UGT2A2: variants seen among roughly 807,000 people sequenced by gnomAD.
UGT2A2 encodes the protein UDP glucuronosyltransferase family 2 member A2, also known as UDP-glucuronosyltransferase 2A2.
In UGT2A2, 60 loss-of-function variants were observed where a neutral mutation model predicts 50.7. The ratio of observed to expected loss-of-function variants is 1.18; its 90% CI spans 0.96 to 1.47. The LOEUF is 1.47. UGT2A2 is among the 40% of genes most tolerant of loss of function. The probability of loss-of-function intolerance (pLI) is 0.00; values close to 1 mark genes in which losing one functional copy is unlikely to be tolerated. For missense variants in UGT2A2, 762 were observed against 634.0 expected (o/e 1.20, Z -2.17); for synonymous variants, 242 against 214.6 (o/e 1.13, Z -1.11).
At chr4:69,634,847 T>A (rs2109961519) in intron 1 of UGT2A2, among the ~76,000 whole-genome samples, 1 of 152,292 alleles carries the variant, frequency 6.6e-6, no homozygotes, top group East Asian at 1.9e-4. Context: ...TCCACTGACA[T>A]CTAGAATGAG....
intron 1 of UGT2A2, among the ~76,000 whole-genome samples, chr4:69,603,017 A>C (rs1577955722): frequency 7.4e-6 from 1 of 135,606 alleles, no homozygotes; most frequent in East Asian, 2.1e-4. Context: ...CAGTGAGCCA[A>C]GATCACGCCA....
Position 69,639,265 on chromosome 4 carries a change from T to A in UGT2A2, c.376A>T (p.Thr126Ser), listed in dbSNP as rs764117718. ...FYKELGKLLD[T>S]FFQINIQLCD... Reference sequence around the variant, plus strand: ...AGTTGTATGTTAATTTGAAAGAAAGTGTCTAGAAGTTTTCCTAGTTCTTTG... The same window carrying A: ...AGTTGTATGTTAATTTGAAAGAAAGAGTCTAGAAGTTTTCCTAGTTCTTTG... Residue 126 changes from threonine to serine, a missense_variant, in exon 1 of 6, where the codon ACT becomes TCT. Physicochemically the swap from Thr to Ser is moderately conservative, Grantham distance 58. Transcript: ENST00000604629. 1.2e-6 allele frequency: 2 copies of A among 1,613,698 alleles called. No homozygotes were observed. The highest frequency in any genetic ancestry group is 1.7e-5 in the Admixed American group (1 of 59,972).
chr4:69,632,430 T>C (rs7699881), intron 1 of UGT2A2, among the ~76,000 whole-genome samples: 5,063 of 152,202 alleles, frequency 0.033, 287 homozygotes, highest in African/African-American at 0.11. Context: ...TACACCCACG[T>C]TATGATTTCT....
chr4:69,631,826 C>T (rs778367101), intron 1 of UGT2A2, among the ~76,000 whole-genome samples: 1 of 152,074 alleles, frequency 6.6e-6, no homozygotes, highest in Non-Finnish European at 1.5e-5. Context: ...CACAATTGAG[C>T]TAAAAACAAA....
At chr4:69,607,839 T>G (rs1405950548) in intron 1 of UGT2A2, among the ~76,000 whole-genome samples, 1 of 152,154 alleles carries the variant, frequency 6.6e-6, no homozygotes, top group Non-Finnish European at 1.5e-5. Flanking sequence ...TCACTGGCCA[T>G]CAGAGAAATG....
chr4:69,626,331 T>A (rs1721057945), intron 1 of UGT2A2, among the ~76,000 whole-genome samples: 1 of 151,514 alleles, frequency 6.6e-6, no homozygotes, highest in South Asian at 2.1e-4. Flanking sequence ...TTGGATGATG[T>A]TTGGAGACCT....
chr4:69,595,238 T>A lies in UGT2A2; in HGVS notation c.1035A>T (p.Arg345Ser). 6.2e-7 allele frequency: 1 copy of A among 1,613,770 alleles called. No homozygotes were observed. The highest frequency in any genetic ancestry group is 1.3e-5 in the African/African-American group (1 of 75,024). ...LAQIPQKVLW[R>S]YKGKKPATLG... ...ATGTGGCTGGTTTCTTTCCTTTGTATCTCCATAAAACCTGTGGAAAATGGT... is the reference window on the plus strand; with the variant it reads ...ATGTGGCTGGTTTCTTTCCTTTGTAACTCCATAAAACCTGTGGAAAATGGT... The change falls in exon 4 of 6, where the codon AGA (arginine) becomes AGT (serine). Residue 345 changes from arginine (R) to serine (S), a missense_variant. By Grantham distance (110) the Arg-to-Ser change is moderately radical. Transcript: ENST00000604629.
At chr4:69,611,812 C>T (rs1363642999) in intron 1 of UGT2A2, among the ~76,000 whole-genome samples, 1 of 152,106 alleles carries the variant, frequency 6.6e-6, no homozygotes, top group East Asian at 1.9e-4. Context: ...TGAAGATACA[C>T]AGTATGTTTT....
At chr4:69,619,548 C>A (rs1005719476) in intron 1 of UGT2A2, among the ~76,000 whole-genome samples, 15 of 151,684 alleles carry the variant, frequency 9.9e-5, no homozygotes, top group African/African-American at 3.6e-4. Flanking sequence ...TAATGATATA[C>A]CCAGAAATAA....
At chr4:69,590,972 A>G (rs140832562) in intron 5 of UGT2A2, among the ~76,000 whole-genome samples, 1 of 152,334 alleles carries the variant, frequency 6.6e-6, no homozygotes, top group African/African-American at 2.4e-5. Flanking sequence ...GAGTACAAAC[A>G]CATCCATATA....
Position 69,589,666 on chromosome 4 carries a change from A to G in UGT2A2, c.1332-15T>C, listed in dbSNP as rs771987229. On this transcript the variant is annotated splice_polypyrimidine_tract_variant and intron_variant, in intron 5 of 5. Transcript: ENST00000604629. ...TCTCTTTATAACTAGAAGACAAATAAATAGGCAGAAATTAGACAATTTTTG... is the reference window on the plus strand; with the variant it reads ...TCTCTTTATAACTAGAAGACAAATAGATAGGCAGAAATTAGACAATTTTTG... 1.3e-5 allele frequency: 20 copies of G among 1,576,974 alleles called. No individual in the cohort carries two copies. Among genetic ancestry groups the G allele is most frequent in the African/African-American group, 4.1e-5 (3 of 73,510 alleles).
intron 2 of UGT2A2, among the ~76,000 whole-genome samples, chr4:69,597,121 C>T (rs537777281): frequency 2.0e-5 from 3 of 152,226 alleles, no homozygotes; most frequent in South Asian, 2.1e-4. Context: ...ATAAATTTAT[C>T]GGTTCCTGTT....
chr4:69,593,847 TATA>T (rs756118961), intron 5 of UGT2A2, among the ~76,000 whole-genome samples: 1 of 151,960 alleles, frequency 6.6e-6, no homozygotes, highest in Non-Finnish European at 1.5e-5. Context: ...CTGATTAGTT[TATA>T]ATATGTACAT....
intron 1 of UGT2A2, among the ~76,000 whole-genome samples, chr4:69,616,934 G>T (rs1181652246): frequency 6.7e-6 from 1 of 148,192 alleles, no homozygotes; most frequent in African/African-American, 2.5e-5. Context: ...ATGGAGGAAA[G>T]AAATATCTGC....
rs912102309 is a variant in UGT2A2, at chr4:69,602,868, C to A, written c.743-3474G>T. On this transcript the variant is annotated intron_variant, in intron 1 of 5. Transcript: ENST00000604629. ...CTTATTAAGGGTCAGGAGTTCAAGA[C>A]CAGTGTGGCCAAGATGGTGAAACCC... Among the ~76,000 whole-genome samples, 25 of 134,906 alleles carry A rather than the reference C, an allele frequency of 1.9e-4. 5 individuals carry two copies. The highest frequency in any genetic ancestry group is 1.6e-3 in the Admixed American group (22 of 13,620). 88.5% of individuals were successfully genotyped at this position (134,906 alleles called of 152,430 possible). A position where few individuals can be genotyped will look rare whatever the true frequency, so the allele number is the denominator to read the frequency against.
intron 1 of UGT2A2, among the ~76,000 whole-genome samples, chr4:69,610,689 G>A (rs1288960071): frequency 6.6e-6 from 1 of 152,142 alleles, no homozygotes; most frequent in East Asian, 1.9e-4. Flanking sequence ...TCCAAGAAGA[G>A]GAAGTGACAC....
chr4:69,639,235 C>G lies in UGT2A2; in HGVS notation c.406G>C (p.Asp136His). The G allele has an allele frequency of 6.2e-7, 1 of 1,613,670 alleles. No individual in the cohort carries two copies. Among genetic ancestry groups the G allele is most frequent in the Non-Finnish European group, 8.5e-7 (1 of 1,179,742 alleles). The part of the protein sequence containing the change: ...TFFQINIQLC[D>H]GVLKNPKLMA... ...AACTTTGGGTTCTTTAGTACACCAT[C>G]ACAGAGTTGTATGTTAATTTGAAAG... is the stretch of plus-strand genomic sequence containing the variant. The change falls in exon 1 of 6, where the codon GAT (aspartate) becomes CAT (histidine). Residue 136 changes from aspartate to histidine, a missense_variant. Asp to His is a moderately conservative substitution (Grantham distance 81, BLOSUM62 -1). Coordinates refer to ENST00000604629, the MANE Select transcript of UGT2A2 (RefSeq NM_001105677.2).
intron 1 of UGT2A2, among the ~76,000 whole-genome samples, chr4:69,627,443 G>C (rs1721123775): frequency 6.7e-6 from 1 of 149,252 alleles, no homozygotes; most frequent in African/African-American, 2.5e-5. Flanking sequence ...AATATTTTTT[G>C]TTCCATAGGC....
rs756150470 is a variant in UGT2A2, at chr4:69,639,615, A to G, written c.26T>C (p.Met9Thr). ...CAGCATCTGGACAAACTTCTTAGGC[A>G]TGGTAAAATCCCTTATGGAAACCAT... MVSIRDFT[M>T]PKKFVQMLVF... Residue 9 changes from methionine (M) to threonine (T), a missense_variant, in exon 1 of 6, where the codon ATG becomes ACG. Physicochemically the swap from Met to Thr is moderately conservative, Grantham distance 81. Transcript: ENST00000604629. 1.9e-6 allele frequency: 3 copies of G among 1,598,498 alleles called. No individual in the cohort carries two copies. Among genetic ancestry groups the G allele is most frequent in the African/African-American group, 2.7e-5 (2 of 74,062 alleles).
Sources: gnomAD v4.1 joint callset for allele counts (sites outside exome capture counted in the v4.1 genomes callset) on GRCh38, gnomAD v4.1.1 for gene constraint, MANE v1.5 for transcripts, NCBI Gene and HGNC (gene_info 2026-07-23, HGNC 2026-07-21) for gene names.